Variants in ARHGAP10 observed in about 807,000 individuals in gnomAD.
ARHGAP10 encodes rho GTPase-activating protein 10.
In ARHGAP10, 87 loss-of-function variants were observed where a neutral mutation model predicts 108.6. That is an observed-to-expected ratio of 0.80 (90% CI 0.67 to 0.96). ARHGAP10 has a LOEUF of 0.96. Ranked by LOEUF, ARHGAP10 falls within the 40% of genes least tolerant of loss-of-function variation. The pLI is 0.00. For missense variants in ARHGAP10, 939 were observed against 954.5 expected, an observed-to-expected ratio of 0.98 and a Z score of 0.21; for synonymous variants, 347 against 341.1, an observed-to-expected ratio of 1.02 and a Z score of -0.19.
intron 18 of ARHGAP10, 146 bp downstream of exon 18, chr4:147,966,985 C>A: frequency 4.5e-6 from 3 of 672,062 alleles, no homozygotes; most frequent in East Asian, 3.1e-5. Flanking sequence ...CTAAGAAGTT[C>A]TCATTGAGCT....
intron 22 of ARHGAP10, 100 bp downstream of exon 22, chr4:148,064,607 G>A: frequency 9.7e-7 from 1 of 1,035,386 alleles, no homozygotes; most frequent in Non-Finnish European, 1.4e-6. Context: ...TGTCGGGAGG[G>A]CGAGTCTCCC....
rs1732383518 is a variant in ARHGAP10, at chr4:147,819,197, ACC to A, written c.155-3529_155-3528del. On this transcript the variant is annotated intron_variant, in intron 1 of 22. Coordinates refer to ENST00000336498, the MANE Select transcript of ARHGAP10 (RefSeq NM_024605.4). Reference sequence around the variant, plus strand: ...ACCTACTATTCTGACCATATGAAACACCATCTTTAAAATAACCTGCAGCCTTT... The same window carrying A: ...ACCTACTATTCTGACCATATGAAACAATCTTTAAAATAACCTGCAGCCTTT... 3.3e-5 allele frequency among the ~76,000 whole-genome samples: 5 copies of A among 152,350 alleles called. No homozygotes were observed. In the South Asian group the frequency reaches 8.3e-4, roughly 25 times the overall value.
chr4:147,802,414 A>G (rs1218703050), intron 1 of ARHGAP10, among the ~76,000 whole-genome samples: 1 of 152,274 alleles, frequency 6.6e-6, no homozygotes, highest in Non-Finnish European at 1.5e-5. Flanking sequence ...TAGCTGAGCT[A>G]TGATCCTAAA....
At chr4:147,966,386 G>A (rs1002687014) in intron 17 of ARHGAP10, among the ~76,000 whole-genome samples, 3 of 152,138 alleles carry the variant, frequency 2.0e-5, no homozygotes, top group African/African-American at 4.8e-5. Flanking sequence ...AGACTTTGGT[G>A]TCTGTAGGGA....
intron 18 of ARHGAP10, among the ~76,000 whole-genome samples, chr4:148,012,219 G>T (rs1287259056): frequency 6.6e-6 from 1 of 152,146 alleles, no homozygotes; most frequent in Non-Finnish European, 1.5e-5. Context: ...TGTCAAAGCT[G>T]GTCCAAGGCC....
intron 10 of ARHGAP10, among the ~76,000 whole-genome samples, chr4:147,890,752 G>A (rs58234592): frequency 0.027 from 4,046 of 152,152 alleles, 185 homozygotes; most frequent in African/African-American, 0.093. Flanking sequence ...ACTTGAACCC[G>A]GGAGACGGAG....
intron 12 of ARHGAP10, among the ~76,000 whole-genome samples, chr4:147,912,548 A>AT (rs1736790587): frequency 8.3e-6 from 1 of 120,334 alleles, no homozygotes; most frequent in Non-Finnish European, 1.6e-5. Context: ...CAAACAAACA[A>AT]ATATATATAT....
chr4:147,871,148 C>T (rs984227192), intron 7 of ARHGAP10, among the ~76,000 whole-genome samples: 31 of 152,020 alleles, frequency 2.0e-4, no homozygotes, highest in African/African-American at 6.0e-4. Context: ...TTAGTAGAGA[C>T]GGGGTTTCAC....
At chr4:147,881,509 A>G (rs1235344351) in intron 9 of ARHGAP10, among the ~76,000 whole-genome samples, 1 of 151,970 alleles carries the variant, frequency 6.6e-6, no homozygotes, top group Non-Finnish European at 1.5e-5. Context: ...GTGGTGGTGC[A>G]TGCCTGTAAT....
At position 148,023,261 on chromosome 4, in the gene ARHGAP10, A is replaced by G; in HGVS notation, c.1717-2A>G. ...TTCCTGTCCTTTATGCTTTGTTGGA[A>G]GATTTTTCGGACGCCGCCCGATACT... On this transcript the variant is annotated splice_acceptor_variant, in intron 18 of 22. Transcript: ENST00000336498. LOFTEE classifies it high-confidence loss of function. 1 of 1,613,778 alleles carries G rather than the reference A, an allele frequency of 6.2e-7. No individual in the cohort carries two copies. The highest frequency in any genetic ancestry group is 1.3e-5 in the African/African-American group (1 of 75,018).
chr4:147,843,376 G>A (rs890122480), intron 3 of ARHGAP10, among the ~76,000 whole-genome samples: 1 of 152,136 alleles, frequency 6.6e-6, no homozygotes, highest in Non-Finnish European at 1.5e-5. Context: ...ATTCTTTGAG[G>A]AAGGGTTGTT....
intron 1 of ARHGAP10, among the ~76,000 whole-genome samples, chr4:147,806,117 C>T (rs1156310822): frequency 2.0e-5 from 3 of 152,112 alleles, no homozygotes; most frequent in Non-Finnish European, 2.9e-5. Flanking sequence ...ACTGACGGAG[C>T]TGAGTGACTG....
intron 13 of ARHGAP10, among the ~76,000 whole-genome samples, chr4:147,922,752 A>T (rs1737304163): frequency 6.6e-6 from 1 of 152,004 alleles, no homozygotes; most frequent in African/African-American, 2.4e-5. Flanking sequence ...AGGATTAAAG[A>T]GTGAGTCTTT....
chr4:147,756,603 G>A (rs562046581), intron 1 of ARHGAP10, among the ~76,000 whole-genome samples: 1 of 152,318 alleles, frequency 6.6e-6, no homozygotes, highest in South Asian at 2.1e-4. Flanking sequence ...GTGCCATCCT[G>A]CTCCATCCCA....
chr4:147,863,908 ACTTTT>A (rs568497863), intron 5 of ARHGAP10: 123 of 152,200 alleles, frequency 8.1e-4, no homozygotes, highest in African/African-American at 2.8e-3. Flanking sequence ...CAACACCACT[ACTTTT>A]CTTTTTTGTA....
chr4:147,817,226 G>C (rs530227238), intron 1 of ARHGAP10, among the ~76,000 whole-genome samples: 1 of 152,244 alleles, frequency 6.6e-6, no homozygotes, highest in Non-Finnish European at 1.5e-5. Context: ...CGTTGCTGGG[G>C]TGGGAAGTTG....
At chr4:147,798,723 CA>C (rs2126756800) in intron 1 of ARHGAP10, among the ~76,000 whole-genome samples, 4 of 97,258 alleles carry the variant, frequency 4.1e-5, no homozygotes, top group East Asian at 3.0e-4. Context: ...GAGTTTGAGA[CA>C]CTCTCTCTCT....
intron 19 of ARHGAP10, among the ~76,000 whole-genome samples, chr4:148,031,295 G>A (rs2149669799): frequency 6.6e-6 from 1 of 152,270 alleles, no homozygotes; most frequent in East Asian, 1.9e-4. Context: ...AAAATTCAGA[G>A]AGTAATAACT....
chr4:147,967,826 G>C (rs576285962), intron 18 of ARHGAP10, among the ~76,000 whole-genome samples: 50 of 152,316 alleles, frequency 3.3e-4, no homozygotes, highest in African/African-American at 1.1e-3. Context: ...AGAATCACCT[G>C]AGGGCCTCTT....
Sources: gnomAD v4.1 joint callset for allele counts (sites outside exome capture counted in the v4.1 genomes callset) on GRCh38, gnomAD v4.1.1 for gene constraint, MANE v1.5 for transcripts, NCBI Gene and HGNC (gene_info 2026-07-23, HGNC 2026-07-21) for gene names.